Variants in DOCK6 observed in about 807,000 individuals in gnomAD.
DOCK6 encodes dedicator of cytokinesis protein 6.
In DOCK6, 167 loss-of-function variants were observed where a neutral mutation model predicts 230.3. The ratio of observed to expected loss-of-function variants is 0.73; its 90% CI spans 0.64 to 0.82. The LOEUF is 0.82. Among genes scored for constraint, DOCK6 ranks in the 40% least tolerant of loss-of-function variants. The pLI is 0.00. For synonymous variants in DOCK6, 1,148 were observed against 1,185.0 expected, an observed-to-expected ratio of 0.97 and a Z score of 0.64; for missense variants, 2,598 against 2,825.8, an observed-to-expected ratio of 0.92 and a Z score of 1.83.
chr19:11,202,859 T>C lies in DOCK6; in HGVS notation c.5236-150A>G. 1 of 1,290,530 alleles carries C rather than the reference T, an allele frequency of 7.7e-7. No homozygotes were observed. The highest frequency in any genetic ancestry group is 1.1e-6 in the Non-Finnish European group (1 of 915,270). The allele number at this position is 1,290,530 out of a possible 1,614,324, so 79.9% of individuals were successfully genotyped here. A position where few individuals can be genotyped will look rare whatever the true frequency, so the allele number is the denominator to read the frequency against. ...CACAGGCAGGGGGCCCTGAGAACAT[T>C]GGGGCATGGATTGCAATAGGAAGTT... On this transcript the variant is annotated intron_variant, in intron 41 of 47. Transcript: ENST00000294618. The surrounding 1 kb of genome is among the most constrained non-coding windows in gnomAD (Gnocchi z 5.3).
Position 11,235,578 on chromosome 19 carries a change from A to G in DOCK6, c.2554+20T>C, listed in dbSNP as rs1383699010. The G allele has an allele frequency of 6.4e-7, 1 of 1,564,496 alleles. No individual in the cohort carries two copies. Among genetic ancestry groups the G allele is most frequent in the Admixed American group, 1.8e-5 (1 of 54,902 alleles). On this transcript the variant is annotated intron_variant, in intron 21 of 47. Transcript: ENST00000294618. ...TTCTCCCAGATATTTCTCGTCTCAC[A>G]GGGATTTCTACAAACTCACCATCCG...
intron 5 of DOCK6, 85 bp from the exon 6 acceptor site, chr19:11,251,171 T>C: frequency 7.3e-7 from 1 of 1,361,996 alleles, no homozygotes; most frequent in Non-Finnish European, 1.0e-6. Flanking sequence ...ATACTCATTC[T>C]AGAGATGGGG....
At chr19:11,226,993 G>GGGCTAACAT (rs775966766) in intron 24 of DOCK6, among the ~76,000 whole-genome samples, 172 of 152,280 alleles carry the variant, frequency 1.1e-3, no homozygotes, top group Non-Finnish European at 1.4e-3. Flanking sequence ...GCCCAAGCAT[G>GGGCTAACAT]GTCTTGCCTC....
Position 11,199,547 on chromosome 19 carries a change from A to G in DOCK6, c.6102-8T>C, listed in dbSNP as rs1198103266. 10 of 1,574,570 alleles carry G rather than the reference A, an allele frequency of 6.4e-6. No individual in the cohort carries two copies. The highest frequency in any genetic ancestry group is 8.6e-6 in the Non-Finnish European group (10 of 1,160,030). On this transcript the variant is annotated splice_region_variant and splice_polypyrimidine_tract_variant and intron_variant, in intron 47 of 47. Transcript: ENST00000294618. Reference sequence around the variant, plus strand: ...GCTCTGTTCAAGGAGTTCCTGGAAAAAGAATGAGGGTGGGTCAGCATGGCC... The same window carrying G: ...GCTCTGTTCAAGGAGTTCCTGGAAAGAGAATGAGGGTGGGTCAGCATGGCC...
At position 11,248,128 on chromosome 19, in the gene DOCK6, G is replaced by A. The variant is rs369049785; in HGVS notation, c.744C>T (p.Ser248=). ...PDEDEAVERC[S]RPEPPREHFG... is the part of the protein sequence containing the mutation. ...AGTGCTCGCGGGGTGGCTCTGGGCG[G>A]CTACAGCGTTCCACGGCTTCATCCT... The change falls in exon 7 of 48, where the codon AGC becomes AGT. Residue 248 remains serine (S), a synonymous_variant. Coordinates refer to ENST00000294618, the MANE Select transcript of DOCK6 (RefSeq NM_020812.4). 2.6e-4 allele frequency: 420 copies of A among 1,610,938 alleles called. 1 individual carries two copies. Among genetic ancestry groups the A allele is most frequent in the Middle Eastern group, 1.6e-3 (10 of 6,078 alleles).
At chr19:11,211,670 C>T (rs544852692) in intron 37 of DOCK6, 106 bp downstream of exon 37, 3 of 889,792 alleles carry the variant, frequency 3.4e-6, no homozygotes, top group Non-Finnish European at 5.2e-6. Context: ...GGACTGTATG[C>T]TCCCCTGCTC....
intron 32 of DOCK6, 82 bp from the exon 33 acceptor site, chr19:11,214,731 C>T: frequency 7.6e-7 from 1 of 1,311,560 alleles, no homozygotes; most frequent in Non-Finnish European, 1.1e-6. Context: ...CCCCTGGCAG[C>T]CCAGGGGGCA....
Position 11,242,157 on chromosome 19 carries a change from G to C in DOCK6, c.1531C>G (p.Leu511Val), listed in dbSNP as rs2079957015. 1 of 1,467,256 alleles carries C rather than the reference G, an allele frequency of 6.8e-7. No homozygotes were observed. The highest frequency in any genetic ancestry group is 9.0e-7 in the Non-Finnish European group (1 of 1,110,628). The allele number at this position is 1,467,256 out of a possible 1,614,324, so 90.9% of individuals were successfully genotyped here. A position where few individuals can be genotyped will look rare whatever the true frequency, so the allele number is the denominator to read the frequency against. The change falls in exon 14 of 48, where the codon CTC (leucine) becomes GTC (valine). Residue 511 changes from leucine (L) to valine (V), a missense_variant. Physicochemically the swap from Leu to Val is conservative, Grantham distance 32 (BLOSUM62 1). Coordinates refer to ENST00000294618, the MANE Select transcript of DOCK6 (RefSeq NM_020812.4). ...SPAPENPHFC[L>V]SPELLHIKPY... ...TTGATATGAAGCAGCTCAGGGGAGAGGCAGAAGTGGGGATTTTCAGGAGCC... is the reference window on the plus strand; with the variant it reads ...TTGATATGAAGCAGCTCAGGGGAGACGCAGAAGTGGGGATTTTCAGGAGCC...
Position 11,243,396 on chromosome 19 carries a change from G to T in DOCK6, c.1259-11C>A, listed in dbSNP as rs1459014055. 1 of 1,599,854 alleles carries T rather than the reference G, an allele frequency of 6.3e-7. No individual in the cohort carries two copies. Among genetic ancestry groups the T allele is most frequent in the Admixed American group, 1.7e-5 (1 of 57,890 alleles). ...AGGCTGGCCGGCGCTCTAGGGGAGGGAATGACAATGACAAAAGGGGGACCA... is the reference window on the plus strand; with the variant it reads ...AGGCTGGCCGGCGCTCTAGGGGAGGTAATGACAATGACAAAAGGGGGACCA... On this transcript the variant is annotated splice_polypyrimidine_tract_variant and intron_variant, in intron 11 of 47. Transcript: ENST00000294618. This position sits in a 1 kb window ranked among gnomAD's most constrained non-coding sequence, Gnocchi z 6.3.
intron 14 of DOCK6, chr19:11,239,734 G>A: frequency 6.2e-7 from 1 of 1,613,254 alleles, no homozygotes. Flanking sequence ...GGCACAGCAT[G>A]AGGAGCTGAC....
chr19:11,235,808 T>TC, intron 20 of DOCK6, 49 bp from the exon 21 acceptor site: 1 of 1,525,808 alleles, frequency 6.6e-7, no homozygotes, highest in Non-Finnish European at 8.9e-7. Context: ...GCCTCTCACC[T>TC]CCCCGCCCAC....
chr19:11,208,637 C>A (rs2079304830), intron 39 of DOCK6, 49 bp downstream of exon 39: 2 of 1,578,760 alleles, frequency 1.3e-6, no homozygotes, highest in Non-Finnish European at 1.7e-6. Flanking sequence ...TCTGATGGCA[C>A]CTCCCTGGCC....
Position 11,232,357 on chromosome 19 carries a change from C to T in DOCK6, c.2718+846G>A, listed in dbSNP as rs1192347785. The T allele has an allele frequency of 1.4e-5, 17 of 1,205,634 alleles. No individual in the cohort carries two copies. In the East Asian group the frequency reaches 4.6e-4, roughly 32 times the overall value. The allele number at this position is 1,205,634 out of a possible 1,614,324, so 74.7% of individuals were successfully genotyped here. On this transcript the variant is annotated intron_variant, in intron 22 of 47. Coordinates refer to ENST00000294618, the MANE Select transcript of DOCK6 (RefSeq NM_020812.4). ...AGGGAAAGCAGCATGAAATACCAAG[C>T]GTGGACATGGTTCTGGACCATACAT... is the stretch of plus-strand genomic sequence containing the variant.
rs566375291 is a variant in DOCK6, at chr19:11,213,612, C to CTT, written c.4339-286_4339-285dup. 2.2e-4 allele frequency among the ~76,000 whole-genome samples: 31 copies of CTT among 138,978 alleles called. 1 individual carries two copies. The highest frequency in any genetic ancestry group is 5.8e-4 in the Admixed American group (8 of 13,700). The allele number at this position is 138,978 out of a possible 152,430, so 91.2% of individuals were successfully genotyped here. ...CAGTAAGTGCTCAATGAATGAGCTC[C>CTT]TTTTTTTTTTTTTTTTTTGAGACGG... On this transcript the variant is annotated intron_variant, in intron 34 of 47. Transcript: ENST00000294618.
intron 14 of DOCK6, chr19:11,241,656 C>T (rs1435026686): frequency 6.3e-7 from 1 of 1,577,314 alleles, no homozygotes; most frequent in Admixed American, 1.8e-5. Flanking sequence ...ATCTCCCTCC[C>T]CAGACTCCAC....
At chr19:11,252,452 C>T (rs752840152) in intron 4 of DOCK6, 30 bp downstream of exon 4, 4 of 1,612,940 alleles carry the variant, frequency 2.5e-6, no homozygotes, top group Non-Finnish European at 2.5e-6. Flanking sequence ...GGGTTCCGAA[C>T]CCCCTGAGCT....
At chr19:11,208,879 C>T (rs376771775) in intron 38 of DOCK6, 32 bp downstream of exon 38, 42 of 1,597,252 alleles carry the variant, frequency 2.6e-5, no homozygotes, top group African/African-American at 9.4e-5. Context: ...GCACTCGTGC[C>T]GTCCGCCACC....
In DOCK6 at chr19:11,202,414, A is replaced by G. The variant is rs2079184698; in HGVS notation, c.5431T>C (p.Ser1811Pro). 3.1e-6 allele frequency: 5 copies of G among 1,613,858 alleles called. No individual in the cohort carries two copies. Among genetic ancestry groups the G allele is most frequent in the Non-Finnish European group, 4.2e-6 (5 of 1,179,850 alleles). Reference sequence around the variant, plus strand: ...CCCACCTTTTGTGAGTCAAGCTTGGACTTGTCCACAGGGTTAGAGTCTTTG... The same window carrying G: ...CCCACCTTTTGTGAGTCAAGCTTGGGCTTGTCCACAGGGTTAGAGTCTTTG... Reference protein sequence around the residue: ...IIKDSNPVDKSKLDSQKAYIQ... With the variant: ...IIKDSNPVDKPKLDSQKAYIQ... The change falls in exon 43 of 48, where the codon TCC becomes CCC. Residue 1811 changes from serine (S) to proline (P), a missense_variant. By Grantham distance (74) the Ser-to-Pro change is moderately conservative. Coordinates refer to ENST00000294618, the MANE Select transcript of DOCK6 (RefSeq NM_020812.4). This position sits in a 1 kb window ranked among gnomAD's most constrained non-coding sequence, Gnocchi z 5.3.
chr19:11,237,489 C>T lies in DOCK6; in HGVS notation c.2040G>A (p.Gln680=). The T allele has an allele frequency of 6.2e-7, 1 of 1,613,550 alleles. No individual in the cohort carries two copies. ...GPFCLPVSVD[Q]PPPSYSVLTP... ...TGAGCACGGAATAGCTGGGCGGCGG[C>T]TGGTCCACAGACACTGGGAGACAGA... Residue 680 remains glutamine (Q), a synonymous_variant, in exon 18 of 48, where the codon CAG becomes CAA. Coordinates refer to ENST00000294618, the MANE Select transcript of DOCK6 (RefSeq NM_020812.4).
Sources: allele counts gnomAD v4.1 joint callset (sites outside exome capture counted in the v4.1 genomes callset), GRCh38; gene constraint gnomAD v4.1.1; non-coding constraint Gnocchi (gnomAD v3.1); transcripts MANE v1.5; gene names NCBI Gene and HGNC (gene_info 2026-07-23, HGNC 2026-07-21).